Variants in CNTLN observed in about 807,000 individuals in gnomAD.
CNTLN encodes centlein, also known as centlein, centrosomal protein.
In CNTLN, 212 loss-of-function variants were observed where a neutral mutation model predicts 180.0. The observed-to-expected ratio is 1.18, with a 90% confidence interval of 1.05 to 1.32. The LOEUF is 1.32. CNTLN is among the 40% of genes most tolerant of loss of function. CNTLN has a pLI of 0.00. For missense variants in CNTLN, 2,095 were observed against 1,610.9 expected (o/e 1.30, Z -5.14); for synonymous variants, 722 against 563.1 (o/e 1.28, Z -3.99).
intron 2 of CNTLN, among the ~76,000 whole-genome samples, chr9:17,158,876 C>A (rs1449835526): frequency 5.3e-5 from 8 of 151,856 alleles, no homozygotes; most frequent in Admixed American, 5.2e-4. Context: ...AATTTCTCCA[C>A]TAATTTTTAT....
At chr9:17,401,141 C>T (rs927980770) in intron 15 of CNTLN, among the ~76,000 whole-genome samples, 2 of 152,080 alleles carry the variant, frequency 1.3e-5, no homozygotes, top group Non-Finnish European at 2.9e-5. Flanking sequence ...TCCTAGGTTA[C>T]TGTAGATCTA....
intron 13 of CNTLN, among the ~76,000 whole-genome samples, chr9:17,380,534 G>A (rs995588058): frequency 3.3e-5 from 5 of 152,158 alleles, no homozygotes; most frequent in Non-Finnish European, 2.9e-5. Flanking sequence ...GTCCATTGAC[G>A]TACAACAAGT....
intron 5 of CNTLN, among the ~76,000 whole-genome samples, chr9:17,262,337 A>C (rs1827057140): frequency 6.6e-6 from 1 of 151,654 alleles, no homozygotes. Flanking sequence ...AATGCCCATC[A>C]GTGATAGACT....
chr9:17,462,986 A>C lies in CNTLN; in HGVS notation c.3377A>C (p.Glu1126Ala). 6.3e-7 allele frequency: 1 copy of C among 1,586,708 alleles called. No homozygotes were observed. The highest frequency in any genetic ancestry group is 8.6e-7 in the Non-Finnish European group (1 of 1,168,636). The change falls in exon 20 of 26, where the codon GAA becomes GCA. Residue 1126 changes from glutamate to alanine, a missense_variant. By Grantham distance (107) the Glu-to-Ala change is moderately radical (BLOSUM62 -1). Coordinates refer to ENST00000380647, the MANE Select transcript of CNTLN (RefSeq NM_017738.4). ...KTLKFELLAKEEHIKEMHEKI... is the reference protein window; with the variant it reads ...KTLKFELLAKAEHIKEMHEKI... ...TTGAAATTTGAACTCCTAGCAAAAG[A>C]AGAACACATAAAGGAAATGCATGAA...
chr9:17,306,170 G>C lies in CNTLN; in HGVS notation c.1147-2888G>C, dbSNP rs138745076. Among the ~76,000 whole-genome samples, 208 of 115,228 alleles carry C rather than the reference G, an allele frequency of 1.8e-3. 1 individual carries two copies. The highest frequency in any genetic ancestry group is 6.7e-3 in the African/African-American group (200 of 29,720). 75.6% of individuals were successfully genotyped at this position (115,228 alleles called of 152,430 possible). A position where few individuals can be genotyped will look rare whatever the true frequency, so the allele number is the denominator to read the frequency against. On this transcript the variant is annotated intron_variant, in intron 7 of 25. Transcript: ENST00000380647. ...TATTTTTTTTTTTTTTTTTTTTTGA[G>C]TTTGAGTCTTGCCCTGTTGTCCTGG...
intron 18 of CNTLN, among the ~76,000 whole-genome samples, chr9:17,443,043 C>T (rs1275074818): frequency 6.6e-6 from 1 of 151,690 alleles, no homozygotes; most frequent in Non-Finnish European, 1.5e-5. Flanking sequence ...AGGTGTCTAC[C>T]AAAAACCTGA....
chr9:17,140,440 T>A (rs1230918667), intron 1 of CNTLN, among the ~76,000 whole-genome samples: 1 of 149,756 alleles, frequency 6.7e-6, no homozygotes, highest in Non-Finnish European at 1.5e-5. Flanking sequence ...AGGTAATGGT[T>A]ATGTTTTTTT....
intron 1 of CNTLN, among the ~76,000 whole-genome samples, chr9:17,138,423 A>G (rs1444737878): frequency 6.6e-6 from 1 of 152,212 alleles, no homozygotes; most frequent in Non-Finnish European, 1.5e-5. Flanking sequence ...CATCCACTTT[A>G]ATGATGAAAC....
intron 8 of CNTLN, among the ~76,000 whole-genome samples, chr9:17,318,264 C>T (rs563986416): frequency 1.6e-4 from 24 of 151,946 alleles, no homozygotes; most frequent in Non-Finnish European, 2.9e-4. Flanking sequence ...TTCCTGACCT[C>T]GTGATCCGCC....
chr9:17,316,711 G>A (rs1160961217), intron 8 of CNTLN, among the ~76,000 whole-genome samples: 1 of 151,960 alleles, frequency 6.6e-6, no homozygotes, highest in East Asian at 1.9e-4. Flanking sequence ...TGTCTGTTTT[G>A]TTCCTCTTTT....
chr9:17,306,452 G>A (rs1818723282), intron 7 of CNTLN, among the ~76,000 whole-genome samples: 1 of 152,124 alleles, frequency 6.6e-6, no homozygotes, highest in African/African-American at 2.4e-5. Context: ...CCTGACCAGT[G>A]CTCTATTTTA....
chr9:17,496,720 T>C (rs1193058016), intron 25 of CNTLN, among the ~76,000 whole-genome samples: 2 of 152,226 alleles, frequency 1.3e-5, no homozygotes, highest in Non-Finnish European at 2.9e-5. Context: ...ATTCTTTCTT[T>C]AATGTCTACA....
At chr9:17,270,953 T>A (rs1280089549) in intron 5 of CNTLN, among the ~76,000 whole-genome samples, 1 of 84,796 alleles carries the variant, frequency 1.2e-5, no homozygotes, top group Admixed American at 1.2e-4. Context: ...AGTTCTTTTT[T>A]TTTTTTTTTT....
chr9:17,361,583 T>C (rs2133390216), intron 12 of CNTLN, among the ~76,000 whole-genome samples: 1 of 152,352 alleles, frequency 6.6e-6, no homozygotes, highest in East Asian at 1.9e-4. Context: ...TATGCAGATT[T>C]CTTTAGCTTT....
chr9:17,225,868 T>G (rs1824433256), intron 2 of CNTLN, among the ~76,000 whole-genome samples: 1 of 152,058 alleles, frequency 6.6e-6, no homozygotes. Context: ...AATTTTATCC[T>G]TAATATAATT....
intron 19 of CNTLN, among the ~76,000 whole-genome samples, 158 bp from the exon 20 acceptor site, chr9:17,462,758 A>G (rs1831526009): frequency 1.3e-5 from 2 of 151,666 alleles, no homozygotes; most frequent in African/African-American, 4.8e-5. Context: ...CTATTACAGC[A>G]TATAAAATAA....
At chr9:17,482,294 CT>C (rs1276030067) in intron 23 of CNTLN, among the ~76,000 whole-genome samples, 1 of 152,048 alleles carries the variant, frequency 6.6e-6, no homozygotes, top group East Asian at 1.9e-4. Flanking sequence ...AGTTATCAGT[CT>C]TTGCAGTTAG....
chr9:17,153,045 G>T (rs1282505256), intron 2 of CNTLN, among the ~76,000 whole-genome samples: 1 of 152,084 alleles, frequency 6.6e-6, no homozygotes, highest in Non-Finnish European at 1.5e-5. Flanking sequence ...TTGAGCCTAT[G>T]TGTGTCTTTG....
At chr9:17,488,787 C>T (rs1334710987) in intron 25 of CNTLN, among the ~76,000 whole-genome samples, 5 of 152,072 alleles carry the variant, frequency 3.3e-5, no homozygotes, top group Non-Finnish European at 5.9e-5. Flanking sequence ...ATATAATTGC[C>T]AGGCAGTATT....
Sources: allele counts gnomAD v4.1 joint callset (sites outside exome capture counted in the v4.1 genomes callset), GRCh38; gene constraint gnomAD v4.1.1; transcripts MANE v1.5; gene names NCBI Gene and HGNC (gene_info 2026-07-23, HGNC 2026-07-21).